Variants in SLC22A12 observed in about 807,000 individuals in gnomAD.
The protein encoded by SLC22A12 is solute carrier family 22 member 12.
Under a neutral mutation model 52.7 loss-of-function variants are expected in SLC22A12, and 56 were observed. The ratio of observed to expected loss-of-function variants is 1.06; its 90% CI spans 0.86 to 1.33. The LOEUF (loss-of-function observed/expected upper bound fraction) is 1.33. Among genes scored for constraint, SLC22A12 ranks in the 40% most tolerant of loss-of-function variants. SLC22A12 has a pLI of 0.00. For missense variants in SLC22A12, 683 were observed against 741.5 expected (o/e 0.92, Z 0.92); for synonymous variants, 337 against 324.6 (o/e 1.04, Z -0.41).
rs2038913551 is a variant in SLC22A12, at chr11:64,591,472, G to T, written c.-85G>T. 1 of 1,573,354 alleles carries T rather than the reference G, an allele frequency of 6.4e-7. No individual in the cohort carries two copies. Among genetic ancestry groups the T allele is most frequent in the Admixed American group, 1.7e-5 (1 of 58,872 alleles). ...AGCCACTGTGGGCACCACCGTGGGGGAAACAGGCCCGTTGCCCTGGCCTCT... is the reference window on the plus strand; with the variant it reads ...AGCCACTGTGGGCACCACCGTGGGGTAAACAGGCCCGTTGCCCTGGCCTCT... On this transcript the variant is annotated 5_prime_UTR_variant, in exon 1 of 10. Transcript: ENST00000377574.
rs747538706 is a variant in SLC22A12 at position 64,600,951 on chromosome 11, A to C, written c.1598+13A>C. ...ATGTGCAGAACCAGTGAGTGGACCC[A>C]GCCTCGGGACCACCCCTCCCTCCCA... On this transcript the variant is annotated intron_variant, in intron 9 of 9. Coordinates refer to ENST00000377574, the MANE Select transcript of SLC22A12 (RefSeq NM_144585.4). 3.7e-6 allele frequency: 6 copies of C among 1,605,902 alleles called. No homozygotes were observed. Among genetic ancestry groups the C allele is most frequent in the Non-Finnish European group, 5.1e-6 (6 of 1,179,916 alleles).
chr11:64,592,764 C>T lies in SLC22A12; in HGVS notation c.403-15C>T, dbSNP rs374690336. 211 of 1,606,300 alleles carry T rather than the reference C, an allele frequency of 1.3e-4. No individual in the cohort carries two copies. The Middle Eastern group carries it at 2.8e-3, about 21-fold the overall frequency. ...CTCCCAACCTCCTGAGCTCAGCCTC[C>T]TCCTCTCCCATCAGTGGAACCTCGT... On this transcript the variant is annotated splice_polypyrimidine_tract_variant and intron_variant, in intron 1 of 9. Coordinates refer to ENST00000377574, the MANE Select transcript of SLC22A12 (RefSeq NM_144585.4).
chr11:64,598,444 A>G (rs1267164751), intron 4 of SLC22A12, 72 bp from the exon 5 acceptor site: 2 of 1,543,440 alleles, frequency 1.3e-6, no homozygotes, highest in Non-Finnish European at 1.8e-6. Flanking sequence ...ACAGGGTAGC[A>G]GTCTGAGGCT....
chr11:64,599,984 CA>C, intron 7 of SLC22A12, 94 bp downstream of exon 7: 1 of 1,452,372 alleles, frequency 6.9e-7, no homozygotes, highest in Non-Finnish European at 9.4e-7. Flanking sequence ...TGGACTAGAG[CA>C]GGTACCCTGG....
intron 9 of SLC22A12, 128 bp from the exon 10 acceptor site, chr11:64,601,360 C>T (rs1376016934): frequency 1.1e-5 from 10 of 906,818 alleles, no homozygotes; most frequent in African/African-American, 3.3e-5. Flanking sequence ...ATCACATGCT[C>T]GGGAGCTCAG....
chr11:64,600,732 C>T lies in SLC22A12; in HGVS notation c.1395-3C>T, dbSNP rs987077814. ...GCGCTTATAGGTGCATCTGCATTGGCAGGATGACGGCAGTGGGCTTGGGCC... is the reference window on the plus strand; with the variant it reads ...GCGCTTATAGGTGCATCTGCATTGGTAGGATGACGGCAGTGGGCTTGGGCC... On this transcript the variant is annotated splice_region_variant and splice_polypyrimidine_tract_variant and intron_variant, in intron 8 of 9. Coordinates refer to ENST00000377574, the MANE Select transcript of SLC22A12 (RefSeq NM_144585.4). 5 of 1,604,372 alleles carry T rather than the reference C, an allele frequency of 3.1e-6. No individual in the cohort carries two copies. Among genetic ancestry groups the T allele is most frequent in the Non-Finnish European group, 4.2e-6 (5 of 1,179,898 alleles).
rs891363691 is a variant in SLC22A12 at position 64,601,845 on chromosome 11, G to T, written c.*294G>T. 2 of 421,474 alleles carry T rather than the reference G, an allele frequency of 4.7e-6. No homozygotes were observed. Among genetic ancestry groups the T allele is most frequent in the Non-Finnish European group, 8.9e-6 (2 of 224,296 alleles). The allele number at this position is 421,474 out of a possible 1,614,324, so 26.1% of individuals were successfully genotyped here. A position where few individuals can be genotyped will look rare whatever the true frequency, so the allele number is the denominator to read the frequency against. On this transcript the variant is annotated 3_prime_UTR_variant, in exon 10 of 10. Coordinates refer to ENST00000377574, the MANE Select transcript of SLC22A12 (RefSeq NM_144585.4). ...GAGAGCAGAGGGGTCAGGCCCAGGG[G>T]AACGAGCTGGCCTTGCCAACCCTCT...
rs769832220 is a variant in SLC22A12, at chr11:64,593,489, C to T, written c.591C>T (p.Pro197=). The T allele has an allele frequency of 6.8e-6, 11 of 1,614,044 alleles. No individual in the cohort carries two copies. Among genetic ancestry groups the T allele is most frequent in the African/African-American group, 1.3e-5 (1 of 74,956 alleles). ...CAGCTGCCTTCGCCCCTGCCTTCCC[C>T]GTGTACTGCCTGTTCCGCTTCCTGT... ...GTAAAFAPAF[P]VYCLFRFLLA... Residue 197 remains proline, a synonymous_variant, in exon 3 of 10, where the codon CCC becomes CCT. Transcript: ENST00000377574.
chr11:64,598,717 C>T (rs71581774), intron 5 of SLC22A12, 78 bp downstream of exon 5: 2 of 1,601,556 alleles, frequency 1.2e-6, no homozygotes, highest in Non-Finnish European at 1.7e-6. Context: ...GGAGACCCAC[C>T]AAGGACCTCA....
chr11:64,601,422 G>T, intron 9 of SLC22A12, 66 bp from the exon 10 acceptor site: 1 of 1,540,166 alleles, frequency 6.5e-7, no homozygotes, highest in South Asian at 1.1e-5. Context: ...CCTTGGGATG[G>T]ACACAGGTCA....
At chr11:64,595,516 TGAATGGATGGATGGATGGTTG>T (rs2039138252) in intron 4 of SLC22A12, among the ~76,000 whole-genome samples, 3 of 37,076 alleles carry the variant, frequency 8.1e-5, no homozygotes, top group South Asian at 1.4e-3. Flanking sequence ...ATGGTTGGAA[TGAATGGATGGATGGATGGTTG>T]GAATGGATGG....
In SLC22A12 at chr11:64,601,796, C is replaced by G. The variant is rs2039462291; in HGVS notation, c.*245C>G. The G allele has an allele frequency of 2.1e-6, 1 of 481,602 alleles. No individual in the cohort carries two copies. Among genetic ancestry groups the G allele is most frequent in the Non-Finnish European group, 3.7e-6 (1 of 272,246 alleles). The allele number at this position is 481,602 out of a possible 1,614,324, so 29.8% of individuals were successfully genotyped here. ...CAGGAGGTGACCCAGTGCACCATCA[C>G]CCTGCCCTGCCCTCGTGGCTTCGGA... On this transcript the variant is annotated 3_prime_UTR_variant, in exon 10 of 10. Coordinates refer to ENST00000377574, the MANE Select transcript of SLC22A12 (RefSeq NM_144585.4).
Position 64,595,094 on chromosome 11 carries a change from A to AGGATGGATGGATGGAT in SLC22A12, c.830+1318_830+1333dup, listed in dbSNP as rs752538108. Among the ~76,000 whole-genome samples the AGGATGGATGGATGGAT allele has an allele frequency of 2.1e-3, 85 of 40,082 alleles. 4 individuals are homozygous for AGGATGGATGGATGGAT. Among genetic ancestry groups the AGGATGGATGGATGGAT allele is most frequent in the South Asian group, 5.4e-3 (3 of 552 alleles). The allele number at this position is 40,082 out of a possible 152,430, so 26.3% of individuals were successfully genotyped here. ...TGGATGGATAGATGGATAGATGGAA[A>AGGATGGATGGATGGAT]GGATGGATGGATGGATGGATGGATG... is the stretch of plus-strand genomic sequence containing the variant. On this transcript the variant is annotated intron_variant, in intron 4 of 9. Coordinates refer to ENST00000377574, the MANE Select transcript of SLC22A12 (RefSeq NM_144585.4).
chr11:64,599,599 C>CCCCCCCT, intron 6 of SLC22A12, 77 bp from the exon 7 acceptor site: 5 of 702,616 alleles, frequency 7.1e-6, no homozygotes, highest in South Asian at 5.1e-5. Flanking sequence ...GAGCCCCCAC[C>CCCCCCCT]GCCCATTGTT....
At chr11:64,600,343 C>A (rs1172933395) in intron 7 of SLC22A12, 24 bp from the exon 8 acceptor site, 1 of 1,566,406 alleles carries the variant, frequency 6.4e-7, no homozygotes. Context: ...CCACCAAGCT[C>A]ACTAATCCCA....
chr11:64,595,040 A>G (rs1221120991), intron 4 of SLC22A12, among the ~76,000 whole-genome samples: 4 of 105,222 alleles, frequency 3.8e-5, no homozygotes, highest in Non-Finnish European at 8.1e-5. Flanking sequence ...AGATGGATGG[A>G]TGGATGGGTG....
chr11:64,596,872 C>T (rs958594507), intron 4 of SLC22A12, among the ~76,000 whole-genome samples: 4 of 152,186 alleles, frequency 2.6e-5, no homozygotes, highest in Admixed American at 6.5e-5. Flanking sequence ...AGCTGCACCC[C>T]CCTTTCCTTG....
chr11:64,594,682 C>T (rs796965891), intron 4 of SLC22A12, among the ~76,000 whole-genome samples: 13 of 135,002 alleles, frequency 9.6e-5, no homozygotes, highest in South Asian at 5.2e-4. Flanking sequence ...GATGGATGGA[C>T]GGATGGATGG....
chr11:64,598,047 G>A (rs1361935001), intron 4 of SLC22A12, among the ~76,000 whole-genome samples: 1 of 152,118 alleles, frequency 6.6e-6, no homozygotes, highest in Non-Finnish European at 1.5e-5. Context: ...CCATGGGGTG[G>A]ACAGGAAGGC....
Sources: gnomAD v4.1 joint callset for allele counts (sites outside exome capture counted in the v4.1 genomes callset) on GRCh38, gnomAD v4.1.1 for gene constraint, MANE v1.5 for transcripts, NCBI Gene and HGNC (gene_info 2026-07-23, HGNC 2026-07-21) for gene names.